Variants in DPP4 observed in about 807,000 individuals in gnomAD.
The protein encoded by DPP4 is ADCP-2.
In DPP4, 93 loss-of-function variants were observed where a neutral mutation model predicts 122.4. The observed-to-expected ratio is 0.76, with a 90% CI of 0.64 to 0.90. DPP4 has a LOEUF of 0.90. Among genes scored for constraint, DPP4 ranks in the 40% least tolerant of loss-of-function variants. DPP4 has a pLI of 0.00. For missense variants in DPP4, 914 were observed against 907.3 expected (o/e 1.01, Z -0.09); for synonymous variants, 321 against 302.9 (o/e 1.06, Z -0.62).
At chr2:162,010,081 T>C (rs1008304132) in intron 20 of DPP4, among the ~76,000 whole-genome samples, 3 of 152,188 alleles carry the variant, frequency 2.0e-5, no homozygotes, top group African/African-American at 7.2e-5. Flanking sequence ...GTCTTTGTGT[T>C]TTCATGTAAT....
intron 4 of DPP4, 139 bp downstream of exon 4, chr2:162,046,773 CAAG>C (rs555269937): frequency 1.4e-4 from 100 of 704,532 alleles, no homozygotes; most frequent in Middle Eastern, 2.3e-4. Context: ...GGGAGCATTT[CAAG>C]AAGGAGAGAA....
At chr2:162,045,672 C>A in intron 4 of DPP4, 60 bp from the exon 5 acceptor site, 1 of 1,231,516 alleles carries the variant, frequency 8.1e-7, no homozygotes, top group Non-Finnish European at 1.2e-6. Flanking sequence ...CATCACTGTG[C>A]ACTTACTTCA....
intron 10 of DPP4, among the ~76,000 whole-genome samples, chr2:162,029,629 C>T (rs1387475973): frequency 1.3e-5 from 2 of 152,170 alleles, no homozygotes; most frequent in Non-Finnish European, 2.9e-5. Flanking sequence ...CTTTATAGGC[C>T]AGGGGTCGTA....
intron 10 of DPP4, among the ~76,000 whole-genome samples, chr2:162,031,667 G>T (rs1010224441): frequency 7.2e-5 from 11 of 152,048 alleles, no homozygotes; most frequent in African/African-American, 1.2e-4. Context: ...TCTCCAGGGG[G>T]TATTTTTTGT....
chr2:162,030,139 TTTATGATTTTACA>T (rs1242875766), intron 10 of DPP4, among the ~76,000 whole-genome samples: 1 of 152,232 alleles, frequency 6.6e-6, no homozygotes, highest in African/African-American at 2.4e-5. Flanking sequence ...AGTTAGGAGA[TTTATGATTTTACA>T]TTATGTGCTG....
intron 2 of DPP4, among the ~76,000 whole-genome samples, chr2:162,070,009 A>T (rs1576077894): frequency 6.6e-6 from 1 of 152,242 alleles, no homozygotes; most frequent in East Asian, 1.9e-4. Flanking sequence ...CATATAATAT[A>T]GTGTAAAAGA....
At chr2:162,003,888 A>G (rs532635244) in intron 23 of DPP4, among the ~76,000 whole-genome samples, 1 of 152,344 alleles carries the variant, frequency 6.6e-6, no homozygotes, top group African/African-American at 2.4e-5. Context: ...AAAATTCAGT[A>G]CAAGATACCT....
chr2:162,002,615 C>G (rs1576033035), intron 23 of DPP4, among the ~76,000 whole-genome samples: 1 of 151,830 alleles, frequency 6.6e-6, no homozygotes, highest in Non-Finnish European at 1.5e-5. Context: ...GGAATTGTCT[C>G]CTTTGTCTTT....
Position 162,062,453 on chromosome 2 carries a change from A to G in DPP4, c.94+10946T>C, listed in dbSNP as rs563134497. Among the ~76,000 whole-genome samples, 31 of 152,296 alleles carry G rather than the reference A, an allele frequency of 2.0e-4. 1 individual carries two copies. In the South Asian group the frequency reaches 4.8e-3, roughly 23 times the overall value. The stretch of plus-strand genomic sequence containing the variant: ...GCCCATTTTGCTGAGTTCTCTGTTC[A>G]AAGTATTGTGAGGTTAAAATCAAAG... On this transcript the variant is annotated intron_variant, in intron 2 of 25. Transcript: ENST00000360534.
At chr2:161,999,772 G>A (rs187543377) in intron 23 of DPP4, among the ~76,000 whole-genome samples, 2 of 152,288 alleles carry the variant, frequency 1.3e-5, no homozygotes, top group Admixed American at 6.5e-5. Context: ...ACTACCCCTA[G>A]TGCCATCTAG....
At position 161,992,937 on chromosome 2, in the gene DPP4, T is replaced by A. The variant is rs199654066; in HGVS notation, c.*346A>T. 171 of 245,350 alleles carry A rather than the reference T, an allele frequency of 7.0e-4. 1 individual carries two copies. Among genetic ancestry groups the A allele is most frequent in the African/African-American group, 3.7e-3 (164 of 44,720 alleles). 15.2% of individuals were successfully genotyped at this position (245,350 alleles called of 1,614,324 possible). A position where few individuals can be genotyped will look rare whatever the true frequency, so the allele number is the denominator to read the frequency against. ...CATCCCTTTAAAGAAGAGAACAACA[T>A]TTGAACCAGTCCAGTTAGAAAAAGA... On this transcript the variant is annotated 3_prime_UTR_variant, in exon 26 of 26. Transcript: ENST00000360534.
At chr2:162,039,513 A>G (rs1479612179) in intron 5 of DPP4, among the ~76,000 whole-genome samples, 1 of 152,134 alleles carries the variant, frequency 6.6e-6, no homozygotes, top group Admixed American at 6.6e-5. Context: ...GTAAATTTTC[A>G]CTTTTCACCT....
intron 4 of DPP4, among the ~76,000 whole-genome samples, chr2:162,046,053 G>A (rs1684162702): frequency 2.0e-5 from 3 of 151,874 alleles, no homozygotes. Context: ...TATAAGATGT[G>A]GAACTAGATC....
At chr2:162,049,008 G>T (rs1684288424) in intron 2 of DPP4, among the ~76,000 whole-genome samples, 1 of 152,134 alleles carries the variant, frequency 6.6e-6, no homozygotes, top group South Asian at 2.1e-4. Flanking sequence ...TCCAATCCCA[G>T]AGTATGTCCA....
At chr2:162,034,075 C>T (rs991509751) in intron 9 of DPP4, among the ~76,000 whole-genome samples, 4 of 151,914 alleles carry the variant, frequency 2.6e-5, no homozygotes, top group Non-Finnish European at 4.4e-5. Context: ...ATGAAGAACA[C>T]CTTGGGTTCT....
intron 10 of DPP4, among the ~76,000 whole-genome samples, chr2:162,030,572 G>A (rs752946356): frequency 5.9e-5 from 9 of 152,174 alleles, no homozygotes; most frequent in Non-Finnish European, 1.2e-4. Context: ...GTTACTAAGA[G>A]GCGTAACTCA....
intron 12 of DPP4, among the ~76,000 whole-genome samples, chr2:162,020,999 G>A (rs1683106580): frequency 6.6e-6 from 1 of 152,130 alleles, no homozygotes. Context: ...TATGACTTCT[G>A]GCTGCAAGCA....
chr2:162,044,324 C>T (rs73971541), intron 5 of DPP4, among the ~76,000 whole-genome samples: 5,781 of 152,138 alleles, frequency 0.038, 247 homozygotes, highest in African/African-American at 0.098. Flanking sequence ...GTAAATATTA[C>T]GATTAACAGT....
chr2:162,009,599 A>G (rs1456601040), intron 20 of DPP4, among the ~76,000 whole-genome samples: 1 of 151,746 alleles, frequency 6.6e-6, no homozygotes, highest in Non-Finnish European at 1.5e-5. Context: ...ACAGTTTTAT[A>G]CAAAAATTTG....
Sources: gnomAD v4.1 joint callset for allele counts (sites outside exome capture counted in the v4.1 genomes callset) on GRCh38, gnomAD v4.1.1 for gene constraint, MANE v1.5 for transcripts, NCBI Gene and HGNC (gene_info 2026-07-23, HGNC 2026-07-21) for gene names.